SUPT3H: variants seen among roughly 807,000 people sequenced by gnomAD.
The protein encoded by SUPT3H is transcription initiation protein SPT3 homolog.
Under a neutral mutation model 44.3 loss-of-function variants are expected in SUPT3H, and 44 were observed. The ratio of observed to expected loss-of-function variants is 0.99; its 90% CI spans 0.78 to 1.28. The LOEUF (loss-of-function observed/expected upper bound fraction) is 1.28. Ranked by LOEUF, SUPT3H falls within the 50% of genes most tolerant of loss-of-function variation. The probability of loss-of-function intolerance (pLI) is 0.00; values close to 1 mark genes in which losing one functional copy is unlikely to be tolerated. For missense variants in SUPT3H, 380 were observed against 387.1 expected, an observed-to-expected ratio of 0.98 and a Z score of 0.15; for synonymous variants, 124 against 125.6, an observed-to-expected ratio of 0.99 and a Z score of 0.09.
chr6:44,928,908 AAG>A (rs1491193400), intron 10 of SUPT3H, among the ~76,000 whole-genome samples: 77 of 138,480 alleles, frequency 5.6e-4, no homozygotes, highest in African/African-American at 1.9e-3. Flanking sequence ...AAAAAAAGAA[AAG>A]AAAAGAAACA....
intron 2 of SUPT3H, among the ~76,000 whole-genome samples, chr6:45,145,652 A>G (rs1805929173): frequency 1.3e-5 from 2 of 151,320 alleles, no homozygotes; most frequent in Admixed American, 6.6e-5. Context: ...TGCAACAAAA[A>G]TAAAGATAAA....
rs774341002 is a variant in SUPT3H, at chr6:44,961,850, C to T, written c.505-22G>A. The T allele has an allele frequency of 1.2e-5, 18 of 1,552,970 alleles. No individual in the cohort carries two copies. In the South Asian group the frequency reaches 1.5e-4, roughly 13 times the overall value. On this transcript the variant is annotated intron_variant, in intron 6 of 10. Coordinates refer to ENST00000371459, the MANE Select transcript of SUPT3H (RefSeq NM_003599.4). ...CTCTCTAAAAGATAAAAATACATAACATTTTTTAAAGCAAGCAGATTATTA... is the reference window on the plus strand; with the variant it reads ...CTCTCTAAAAGATAAAAATACATAATATTTTTTAAAGCAAGCAGATTATTA...
chr6:45,191,801 G>A (rs1584161691), intron 2 of SUPT3H, among the ~76,000 whole-genome samples: 2 of 151,976 alleles, frequency 1.3e-5, no homozygotes, highest in Admixed American at 6.6e-5. Context: ...CAACAACAAC[G>A]TATTTATGTC....
chr6:45,204,271 GA>G (rs1762876410), intron 2 of SUPT3H, among the ~76,000 whole-genome samples: 1 of 151,652 alleles, frequency 6.6e-6, no homozygotes, highest in Non-Finnish European at 1.5e-5. Flanking sequence ...AGAAGAAGAA[GA>G]AGAAGAAGAA....
At chr6:45,286,798 T>C (rs897105664) in intron 2 of SUPT3H, among the ~76,000 whole-genome samples, 2 of 152,192 alleles carry the variant, frequency 1.3e-5, no homozygotes, top group African/African-American at 2.4e-5. Flanking sequence ...CACACGTATG[T>C]TTATTGCAGC....
intron 2 of SUPT3H, among the ~76,000 whole-genome samples, chr6:45,161,585 G>A (rs1045168172): frequency 6.6e-6 from 1 of 151,900 alleles, no homozygotes; most frequent in Non-Finnish European, 1.5e-5. Context: ...ACTGCTAAAG[G>A]CCACTGTACA....
intron 10 of SUPT3H, among the ~76,000 whole-genome samples, chr6:44,856,972 A>G (rs954086995): frequency 4.6e-5 from 7 of 152,190 alleles, no homozygotes; most frequent in African/African-American, 1.7e-4. Flanking sequence ...AGAATTAGGT[A>G]TGTTATTATA....
intron 6 of SUPT3H, among the ~76,000 whole-genome samples, chr6:44,963,596 T>C (rs1466238088): frequency 1.3e-5 from 2 of 152,230 alleles, no homozygotes; most frequent in East Asian, 1.9e-4. Context: ...AAATGCATGA[T>C]CTAGTTTTAG....
intron 3 of SUPT3H, among the ~76,000 whole-genome samples, chr6:45,038,884 A>T (rs138755784): frequency 6.6e-6 from 1 of 152,194 alleles, no homozygotes; most frequent in Non-Finnish European, 1.5e-5. Context: ...ATTGCATGGC[A>T]CTGATTTTTA....
At chr6:45,288,880 T>C (rs1033612807) in intron 2 of SUPT3H, among the ~76,000 whole-genome samples, 6 of 151,990 alleles carry the variant, frequency 3.9e-5, no homozygotes, top group South Asian at 2.1e-4. Context: ...TTTCCACTTA[T>C]CTTCTCTCCC....
intron 2 of SUPT3H, among the ~76,000 whole-genome samples, chr6:45,111,252 C>T (rs903132667): frequency 2.6e-5 from 4 of 152,094 alleles, no homozygotes; most frequent in South Asian, 2.1e-4. Context: ...AGGCTGGTCT[C>T]GAACTCCTGA....
chr6:45,116,352 TTCTC>T (rs565499828), intron 2 of SUPT3H, among the ~76,000 whole-genome samples: 359 of 152,162 alleles, frequency 2.4e-3, no homozygotes, highest in Non-Finnish European at 4.2e-3. Flanking sequence ...CTGCGCACGT[TTCTC>T]TCTCTCTCTT....
intron 2 of SUPT3H, among the ~76,000 whole-genome samples, chr6:45,224,235 A>G (rs1018815162): frequency 6.6e-6 from 1 of 151,818 alleles, no homozygotes; most frequent in Non-Finnish European, 1.5e-5. Flanking sequence ...TGTCTATTTA[A>G]AGATGTTCTC....
intron 2 of SUPT3H, among the ~76,000 whole-genome samples, chr6:45,154,153 T>G (rs1807431542): frequency 6.6e-6 from 1 of 151,156 alleles, no homozygotes; most frequent in Admixed American, 6.6e-5. Flanking sequence ...CAATCAATAC[T>G]TTTGGTTTTG....
chr6:45,039,071 C>A (rs1372185777), intron 3 of SUPT3H, among the ~76,000 whole-genome samples: 1 of 151,852 alleles, frequency 6.6e-6, no homozygotes, highest in African/African-American at 2.4e-5. Flanking sequence ...CCCGTTAGTG[C>A]AAGGAAAAAG....
At position 44,955,807 on chromosome 6, in the gene SUPT3H, A is replaced by G. The variant is rs1775041400; in HGVS notation, c.581-1200T>C. Among the ~76,000 whole-genome samples the G allele has an allele frequency of 3.9e-5, 6 of 152,198 alleles. No homozygotes were observed. In the South Asian group the frequency reaches 1.3e-3, roughly 32 times the overall value. ...ACTGCTCGGGTGATGGGTGCACCAA[A>G]ACCTCAGAAATTGCTACTAAAGATT... On this transcript the variant is annotated intron_variant, in intron 7 of 10. Transcript: ENST00000371459.
chr6:44,815,961 G>A (rs528487358), intron 11 of SUPT3H, among the ~76,000 whole-genome samples: 1 of 152,144 alleles, frequency 6.6e-6, no homozygotes, highest in Non-Finnish European at 1.5e-5. Flanking sequence ...GTTTTCAAGT[G>A]CATATGCACA....
chr6:45,296,450 C>G (rs552605028), intron 2 of SUPT3H, among the ~76,000 whole-genome samples: 1 of 151,888 alleles, frequency 6.6e-6, no homozygotes, highest in African/African-American at 2.4e-5. Context: ...TAAAAGACTA[C>G]GAACAGTGCC....
chr6:45,009,848 T>G (rs1783227829), intron 5 of SUPT3H, among the ~76,000 whole-genome samples: 1 of 152,122 alleles, frequency 6.6e-6, no homozygotes, highest in African/African-American at 2.4e-5. Context: ...TCTATATGAT[T>G]GGTAGAATCA....
Sources: gnomAD v4.1 joint callset for allele counts (sites outside exome capture counted in the v4.1 genomes callset) on GRCh38, gnomAD v4.1.1 for gene constraint, MANE v1.5 for transcripts, NCBI Gene and HGNC (gene_info 2026-07-23, HGNC 2026-07-21) for gene names.